Variants in CALN1 observed in about 807,000 individuals in gnomAD.
CALN1 encodes calcium-binding protein 8.
A neutral mutation model predicts 30.6 loss-of-function variants in CALN1; 17 were observed. That is an observed-to-expected ratio of 0.56 (90% CI 0.38 to 0.83). The LOEUF is 0.83. CALN1 is among the 40% of genes least tolerant of loss of function. The pLI, the probability that CALN1 is intolerant of heterozygous loss-of-function variation, is 0.00. For missense variants in CALN1, 291 were observed against 354.9 expected (o/e 0.82, Z 1.45); for synonymous variants, 156 against 131.4 (o/e 1.19, Z -1.28).
At chr7:71,815,247 T>C (rs1167986423) in intron 5 of CALN1, among the ~76,000 whole-genome samples, 1 of 152,176 alleles carries the variant, frequency 6.6e-6, no homozygotes, top group Non-Finnish European at 1.5e-5. Context: ...TGCACGTGGG[T>C]CAGTGCCCCT....
chr7:72,096,078 T>A (rs963577898), intron 4 of CALN1, among the ~76,000 whole-genome samples: 3 of 151,554 alleles, frequency 2.0e-5, no homozygotes, highest in African/African-American at 7.3e-5. Context: ...GATAGATAGA[T>A]AGATAGATAG....
intron 2 of CALN1, among the ~76,000 whole-genome samples, chr7:72,400,672 C>T (rs1806280868): frequency 6.6e-6 from 1 of 152,160 alleles, no homozygotes; most frequent in Non-Finnish European, 1.5e-5. Flanking sequence ...GGGTTTGAGA[C>T]CAGCCTGGTC....
chr7:72,152,464 A>G (rs1787328441), intron 3 of CALN1, among the ~76,000 whole-genome samples: 1 of 152,128 alleles, frequency 6.6e-6, no homozygotes. Context: ...CATGAAAGAG[A>G]TCTTTCTAGG....
intron 3 of CALN1, among the ~76,000 whole-genome samples, chr7:72,243,507 A>G (rs970749743): frequency 6.6e-6 from 1 of 152,138 alleles, no homozygotes; most frequent in East Asian, 1.9e-4. Flanking sequence ...AGCAAACCTT[A>G]GCTGCATCCG....
At chr7:71,814,491 T>A (rs1407737442) in intron 5 of CALN1, among the ~76,000 whole-genome samples, 2 of 151,738 alleles carry the variant, frequency 1.3e-5, no homozygotes, top group Non-Finnish European at 2.9e-5. Context: ...GGGAAATGAA[T>A]ATTGATGAGC....
intron 3 of CALN1, among the ~76,000 whole-genome samples, chr7:72,243,588 G>A (rs912067197): frequency 2.0e-5 from 3 of 152,044 alleles, no homozygotes; most frequent in Admixed American, 6.6e-5. Flanking sequence ...ATGAACCAGC[G>A]CTCCCCACTC....
chr7:72,318,281 G>A (rs1438921862), intron 2 of CALN1, among the ~76,000 whole-genome samples: 4 of 151,692 alleles, frequency 2.6e-5, no homozygotes, highest in Admixed American at 6.6e-5. Context: ...GAATTCAAGG[G>A]ACTGAAAGAA....
chr7:72,116,053 G>GT (rs1405553936), intron 3 of CALN1, among the ~76,000 whole-genome samples: 1 of 152,042 alleles, frequency 6.6e-6, no homozygotes, highest in Non-Finnish European at 1.5e-5. Flanking sequence ...CTACATCCTA[G>GT]TTTTTATTTT....
chr7:72,228,894 T>TGG (rs1793880998), intron 3 of CALN1, among the ~76,000 whole-genome samples: 1 of 150,366 alleles, frequency 6.7e-6, no homozygotes, highest in South Asian at 2.1e-4. Flanking sequence ...CCTGAGTAGC[T>TGG]GGGACTACAG....
chr7:72,350,137 G>A (rs867247375), intron 2 of CALN1, among the ~76,000 whole-genome samples: 1 of 152,084 alleles, frequency 6.6e-6, no homozygotes, highest in African/African-American at 2.4e-5. Context: ...AAAGGAAGGG[G>A]TCCAGTTTCA....
intron 2 of CALN1, among the ~76,000 whole-genome samples, chr7:72,351,811 C>T (rs1802936949): frequency 6.6e-6 from 1 of 152,154 alleles, no homozygotes; most frequent in Non-Finnish European, 1.5e-5. Flanking sequence ...CAAGATGGTA[C>T]ATTTACACCT....
At chr7:72,172,797 T>C (rs987479469) in intron 3 of CALN1, among the ~76,000 whole-genome samples, 2 of 152,210 alleles carry the variant, frequency 1.3e-5, no homozygotes, top group Non-Finnish European at 2.9e-5. Context: ...TTCCTCAGTC[T>C]GATAAAATCT....
intron 4 of CALN1, among the ~76,000 whole-genome samples, chr7:72,076,611 C>CAAAAAAAAAAA (rs572245834): frequency 0.054 from 330 of 6,126 alleles, 159 homozygotes; most frequent in South Asian, 0.091. Context: ...AAAAAAAAAG[C>CAAAAAAAAAAA]AAAAAAAAAA....
chr7:71,994,425 T>C (rs888012922), intron 5 of CALN1, among the ~76,000 whole-genome samples: 1 of 146,764 alleles, frequency 6.8e-6, no homozygotes, highest in Non-Finnish European at 1.5e-5. Context: ...GGCAGGAGAA[T>C]CATTTGAACC....
chr7:71,935,591 C>T (rs376065579), intron 5 of CALN1, among the ~76,000 whole-genome samples: 37 of 152,258 alleles, frequency 2.4e-4, no homozygotes, highest in African/African-American at 7.5e-4. Context: ...GCGTGGTTGG[C>T]GCATGCCTGT....
intron 5 of CALN1, among the ~76,000 whole-genome samples, chr7:71,935,489 G>A (rs1183123319): frequency 2.6e-5 from 4 of 152,142 alleles, no homozygotes; most frequent in African/African-American, 4.8e-5. Context: ...TTGGGAGGCC[G>A]AGGCGGGCGG....
chr7:71,818,114 C>G (rs1282195144), intron 5 of CALN1, among the ~76,000 whole-genome samples: 1 of 152,080 alleles, frequency 6.6e-6, no homozygotes, highest in East Asian at 1.9e-4. Flanking sequence ...TGAAACCAAG[C>G]AAATGAGTCA....
the CALN1 span, among the ~76,000 whole-genome samples, chr7:72,475,965 T>TTTG: frequency 6.8e-6 from 1 of 146,100 alleles, no homozygotes; most frequent in African/African-American, 2.6e-5. Context: ...TTTTTTTTTT[T>TTTG]TGAGACAGAG....
intron 1 of CALN1, among the ~76,000 whole-genome samples, chr7:72,428,033 T>C (rs1585718154): frequency 2.6e-5 from 4 of 152,170 alleles, no homozygotes; most frequent in South Asian, 2.1e-4. Context: ...AGCTTTCCCA[T>C]GTCATCCCAG....
Sources: gnomAD v4.1 joint callset for allele counts (sites outside exome capture counted in the v4.1 genomes callset) on GRCh38, gnomAD v4.1.1 for gene constraint, MANE v1.5 for transcripts, NCBI Gene and HGNC (gene_info 2026-07-23, HGNC 2026-07-21) for gene names.